Variants in MYO19 observed in about 807,000 individuals in gnomAD.
The protein encoded by MYO19 is unconventional myosin-XIX.
A neutral mutation model predicts 129.2 loss-of-function variants in MYO19; 132 were observed. That is an observed-to-expected ratio of 1.02 (90% confidence interval 0.89 to 1.18). MYO19 has a LOEUF of 1.18. MYO19 is among the 50% of genes most tolerant of loss of function. The pLI is 0.00. For missense variants in MYO19, 1,210 were observed against 1,216.7 expected (o/e 0.99, Z 0.08); for synonymous variants, 531 against 477.2 (o/e 1.11, Z -1.47).
At chr17:36,543,718 G>A (rs564784082), upstream of MYO19, among the ~76,000 whole-genome samples, 1 of 152,164 alleles carries the variant, frequency 6.6e-6, no homozygotes, top group East Asian at 1.9e-4. Flanking sequence ...TCCGCCTCCC[G>A]GGTTCAAGTG....
upstream of MYO19, among the ~76,000 whole-genome samples, chr17:36,535,794 G>T (rs1289973760): frequency 6.6e-6 from 1 of 151,806 alleles, no homozygotes; most frequent in East Asian, 1.9e-4. Context: ...TTACAGGCGC[G>T]CACCACCACG....
rs757752495 is a variant in MYO19, at chr17:36,503,197, G to C, written c.1980C>G (p.Val660=). 6.2e-7 allele frequency: 1 copy of C among 1,613,680 alleles called. No individual in the cohort carries two copies. Among genetic ancestry groups the C allele is most frequent in the South Asian group, 1.1e-5 (1 of 91,072 alleles). The change falls in exon 21 of 26, where the codon GTC becomes GTG. Residue 660 remains valine, a synonymous_variant. Transcript: ENST00000614623. The part of the protein sequence containing the change: ...HISAAGFPIR[V]SHRNFVERYK... ...ATCGTTCTACAAAGTTTCGGTGAGA[G>C]ACCCTGGAGGCCAAAGCAGGCAGAA...
chr17:36,506,430 A>T, intron 18 of MYO19, 26 bp downstream of exon 18: 1 of 1,613,464 alleles, frequency 6.2e-7, no homozygotes. Context: ...TGAACCAAGC[A>T]CCTCCCATCA....
intron 6 of MYO19, 22 bp downstream of exon 6, chr17:36,525,206 G>T (rs764798997): frequency 1.6e-5 from 25 of 1,573,908 alleles, no homozygotes; most frequent in Non-Finnish European, 2.2e-5. Context: ...GAGTTGACAG[G>T]ATGGGAAAGA....
Position 36,507,149 on chromosome 17 carries a change from G to A in MYO19, c.1468-10C>T. 6.3e-7 allele frequency: 1 copy of A among 1,593,014 alleles called. No individual in the cohort carries two copies. The highest frequency in any genetic ancestry group is 2.3e-5 in the East Asian group (1 of 44,398). On this transcript the variant is annotated splice_polypyrimidine_tract_variant and intron_variant, in intron 16 of 25. Transcript: ENST00000614623. ...GATTGAGGCGGCATTCCTGTGGGAT[G>A]GGAACAGGGGGTCAGCCACCAACAT...
At chr17:36,537,208 G>A (rs565741517), upstream of MYO19, 3 of 1,614,200 alleles carry the variant, frequency 1.9e-6, no homozygotes, top group East Asian at 2.2e-5. Flanking sequence ...ATCCTGTGCA[G>A]AGGGTTCCTG....
At chr17:36,511,283 AC>A in intron 12 of MYO19, 81 bp downstream of exon 12, 1 of 1,447,756 alleles carries the variant, frequency 6.9e-7, no homozygotes, top group Non-Finnish European at 9.5e-7. Flanking sequence ...TCCAATTTTC[AC>A]CATCCAGCCT....
Position 36,527,684 on chromosome 17 carries a change from T to C in MYO19, c.167A>G (p.Gln56Arg), listed in dbSNP as rs1567788100. 11 of 1,613,076 alleles carry C rather than the reference T, an allele frequency of 6.8e-6. No individual in the cohort carries two copies. Among genetic ancestry groups the C allele is most frequent in the Non-Finnish European group, 8.5e-6 (10 of 1,179,464 alleles). Residue 56 changes from glutamine to arginine, a missense_variant, in exon 5 of 26, where the codon CAG becomes CGG. Coordinates refer to ENST00000614623, the MANE Select transcript of MYO19 (RefSeq NM_001163735.2). The stretch of plus-strand genomic sequence containing the variant: ...GAATGTGTCTGCCATGTACCGGGCC[T>C]GCAGGCACCTCAGGACTGAGGCAGA... ...VTLETVLRCL[Q>R]ARYMADTFYT...
intron 2 of MYO19, among the ~76,000 whole-genome samples, chr17:36,541,470 C>G (rs976882308): frequency 6.6e-6 from 1 of 151,870 alleles, no homozygotes; most frequent in African/African-American, 2.4e-5. Context: ...TTTTTTAAAC[C>G]TAGGTAGCCT....
intron 11 of MYO19, 50 bp from the exon 12 acceptor site, chr17:36,511,505 C>A: frequency 6.6e-7 from 1 of 1,516,658 alleles, no homozygotes; most frequent in South Asian, 1.2e-5. Flanking sequence ...GTGACGTGGG[C>A]CTACTCTGGG....
intron 21 of MYO19, chr17:36,502,872 C>T: frequency 6.9e-6 from 4 of 576,126 alleles, no homozygotes; most frequent in Non-Finnish European, 6.2e-6. Context: ...GAAGCCTTCC[C>T]CAATTCACAC....
At chr17:36,544,439 C>G (rs559702396), upstream of MYO19, among the ~76,000 whole-genome samples, 1 of 152,320 alleles carries the variant, frequency 6.6e-6, no homozygotes, top group South Asian at 2.1e-4. Flanking sequence ...TCTCACCCCC[C>G]GATGCTCGTC....
intron 21 of MYO19, 146 bp downstream of exon 21, chr17:36,502,951 T>G: frequency 1.5e-6 from 1 of 688,078 alleles, no homozygotes; most frequent in Non-Finnish European, 2.6e-6. Context: ...ATTTGTCTTT[T>G]TTGAATCTGT....
rs1204141864 is a variant in MYO19, at chr17:36,527,698, G to T, written c.153C>A (p.Val51=). The part of the protein sequence containing the change: ...TRVNPVTLET[V]LRCLQARYMA... ...TGTACCGGGCCTGCAGGCACCTCAG[G>T]ACTGAGGCAGAGATGCCTTTAGCAA... The change falls in exon 5 of 26, where the codon GTC becomes GTA. Residue 51 remains valine, a splice_region_variant and synonymous_variant. Coordinates refer to ENST00000614623, the MANE Select transcript of MYO19 (RefSeq NM_001163735.2). 1 of 1,609,590 alleles carries T rather than the reference G, an allele frequency of 6.2e-7. No individual in the cohort carries two copies. The highest frequency in any genetic ancestry group is 1.1e-5 in the South Asian group (1 of 90,512).
intron 6 of MYO19, among the ~76,000 whole-genome samples, chr17:36,517,035 A>T (rs924736290): frequency 2.0e-5 from 3 of 152,192 alleles, no homozygotes; most frequent in Admixed American, 1.3e-4. Context: ...TTTCAGAAAT[A>T]GGGGCTATTC....
intron 19 of MYO19, chr17:36,504,927 A>G: frequency 2.8e-5 from 8 of 290,370 alleles, no homozygotes; most frequent in South Asian, 1.3e-4. Context: ...AAAAAAAAAA[A>G]AAAGAAAAAA....
intron 20 of MYO19, 125 bp from the exon 21 acceptor site, chr17:36,503,325 G>T: frequency 1.3e-6 from 1 of 760,816 alleles, no homozygotes. Flanking sequence ...TGCCCTCCCC[G>T]AGTATCCCCA....
Position 36,510,830 on chromosome 17 carries a change from C to A in MYO19, c.1073G>T (p.Arg358Ile). The A allele has an allele frequency of 1.3e-6, 2 of 1,582,894 alleles. No homozygotes were observed. The highest frequency in any genetic ancestry group is 2.3e-5 in the East Asian group (1 of 43,086). Residue 358 changes from arginine (R) to isoleucine (I), a missense_variant, in exon 13 of 26, where the codon AGA becomes ATA. By Grantham distance (97) the Arg-to-Ile change is moderately conservative. Coordinates refer to ENST00000614623, the MANE Select transcript of MYO19 (RefSeq NM_001163735.2). Reference protein sequence around the residue: ...MVQIRTIRAGRQQQVFRKPCA... With the variant: ...MVQIRTIRAGIQQQVFRKPCA... ...GGGCTTCCGGAACACCTGCTGCTGTCTGCCTGCCCTGATGGTTCTAATCTG... is the reference window on the plus strand; with the variant it reads ...GGGCTTCCGGAACACCTGCTGCTGTATGCCTGCCCTGATGGTTCTAATCTG...
intron 5 of MYO19, 93 bp downstream of exon 5, chr17:36,527,458 T>C (rs1406466541): frequency 4.3e-6 from 6 of 1,399,310 alleles, no homozygotes; most frequent in Non-Finnish European, 4.8e-6. Context: ...ACCACATTGC[T>C]GGTGAATAGA....
Sources: allele counts gnomAD v4.1 joint callset (sites outside exome capture counted in the v4.1 genomes callset), GRCh38; gene constraint gnomAD v4.1.1; transcripts MANE v1.5; gene names NCBI Gene and HGNC (gene_info 2026-07-23, HGNC 2026-07-21).